MAST1: variants seen among roughly 807,000 people sequenced by gnomAD.
MAST1 encodes microtubule associated serine/threonine kinase 1.
A neutral mutation model predicts 124.6 loss-of-function variants in MAST1; 40 were observed. That is an observed-to-expected ratio of 0.32 (90% CI 0.25 to 0.42). MAST1 has a LOEUF of 0.42. Ranked by LOEUF, MAST1 falls within the 10% of genes least tolerant of loss-of-function variation. The probability of loss-of-function intolerance (pLI) is 1.00; values close to 1 mark genes in which losing one functional copy is unlikely to be tolerated. For missense variants in MAST1, 1,558 were observed against 2,181.9 expected (o/e 0.71, Z 5.70); for synonymous variants, 938 against 939.4 (o/e 1.00, Z 0.03).
chr19:12,868,241 T>C lies in MAST1; in HGVS notation c.2566+264T>C, dbSNP rs1315536897. ...CTCGCACCTCAGCCTCCCGAGTAGC[T>C]GGGATTACAGGCGCGCGCCACTACC... On this transcript the variant is annotated intron_variant, in intron 20 of 25. Coordinates refer to ENST00000251472, the MANE Select transcript of MAST1 (RefSeq NM_014975.3). Among the ~76,000 whole-genome samples the C allele has an allele frequency of 3.3e-5, 5 of 151,116 alleles. No individual in the cohort carries two copies. In the South Asian group the frequency reaches 1.0e-3, roughly 32 times the overall value.
intron 22 of MAST1, 124 bp from the exon 23 acceptor site, chr19:12,870,700 C>A: frequency 3.3e-5 from 29 of 882,674 alleles, no homozygotes; most frequent in African/African-American, 6.8e-5. Context: ...GGAATAATAA[C>A]TATTTCACAA....
chr19:12,855,181 C>G (rs981437980), intron 10 of MAST1, among the ~76,000 whole-genome samples: 12 of 152,172 alleles, frequency 7.9e-5, no homozygotes, highest in Admixed American at 7.9e-4. Flanking sequence ...TTGCAGTGAG[C>G]CGATATCAAA....
chr19:12,865,999 G>A lies in MAST1; in HGVS notation c.1926G>A (p.Lys642=). The change falls in exon 17 of 26, where the codon AAG becomes AAA. Residue 642 remains lysine (K), a synonymous_variant. Coordinates refer to ENST00000251472, the MANE Select transcript of MAST1 (RefSeq NM_014975.3). The surrounding 1 kb of genome is among the most constrained non-coding windows in gnomAD (Gnocchi z 7.1). ...TCCCAGGCGGCGCTTTTGAGGTGAAGCAGCACAGTTTCTTTCGAGACCTGG... is the reference window on the plus strand; with the variant it reads ...TCCCAGGCGGCGCTTTTGAGGTGAAACAGCACAGTTTCTTTCGAGACCTGG... ...RLGAGGAFEV[K]QHSFFRDLDW... The A allele has an allele frequency of 6.2e-7, 1 of 1,614,122 alleles. No homozygotes were observed. Among genetic ancestry groups the A allele is most frequent in the Non-Finnish European group, 8.5e-7 (1 of 1,180,024 alleles).
chr19:12,873,961 G>A lies in MAST1; in HGVS notation c.3804G>A (p.Glu1268=). The A allele has an allele frequency of 6.3e-7, 1 of 1,598,246 alleles. No homozygotes were observed. Among genetic ancestry groups the A allele is most frequent in the Non-Finnish European group, 8.5e-7 (1 of 1,178,100 alleles). Residue 1268 remains glutamate, a synonymous_variant, in exon 26 of 26, where the codon GAG becomes GAA. Coordinates refer to ENST00000251472, the MANE Select transcript of MAST1 (RefSeq NM_014975.3). ...TCCTCAAGCGCGTGCAGTCGGCCGA[G>A]AAGCTGGGAGCCTCTTTGAGTGCGG... The part of the protein sequence containing the change: ...SPLLKRVQSA[E]KLGASLSADK...
Position 12,868,808 on chromosome 19 carries a change from A to G in MAST1, c.2732A>G (p.Lys911Arg), listed in dbSNP as rs1405047473. The G allele has an allele frequency of 1.2e-6, 2 of 1,602,732 alleles. No individual in the cohort carries two copies. Among genetic ancestry groups the G allele is most frequent in the African/African-American group, 2.7e-5 (2 of 74,908 alleles). ...TCTCGAACTGGGGGCAAAGTCATCA[A>G]ATCAGCCTCAGCCACTGCCTTATCT... ...RPSRTGGKVI[K>R]SASATALSVM... The change falls in exon 21 of 26, where the codon AAA becomes AGA. Residue 911 changes from lysine (K) to arginine (R), a missense_variant. Physicochemically the swap from Lys to Arg is conservative, Grantham distance 26 (BLOSUM62 2). This residue lies in a region of MAST1 where 291 missense variants were observed against 475.8 expected (regional missense o/e 0.61). Transcript: ENST00000251472.
chr19:12,856,050 C>A (rs868653160), intron 10 of MAST1, among the ~76,000 whole-genome samples: 1 of 151,210 alleles, frequency 6.6e-6, no homozygotes, highest in Non-Finnish European at 1.5e-5. Flanking sequence ...GCATAAGATA[C>A]CTCTTACACT....
At chr19:12,871,913 CAAA>C (rs34674708) in intron 24 of MAST1, among the ~76,000 whole-genome samples, 2 of 61,030 alleles carry the variant, frequency 3.3e-5, no homozygotes, top group African/African-American at 6.4e-5. Flanking sequence ...TAGACTCTTT[CAAA>C]AAAAAAAAAA....
chr19:12,858,553 C>T lies in MAST1; in HGVS notation c.1180C>T (p.Arg394Cys), dbSNP rs756908190. Reference protein sequence around the residue: ...AYGAVYLVRHRDTRQRFAMKK... With the variant: ...AYGAVYLVRHCDTRQRFAMKK... ...CAGCGCTGTCTACCTGGTGCGGCAC[C>T]GCGACACGCGGCAGCGCTTTGCCAT... is the stretch of plus-strand genomic sequence containing the variant. The change falls in exon 12 of 26, where the codon CGC (arginine) becomes TGC (cysteine). Residue 394 changes from arginine to cysteine, a missense_variant. Coordinates refer to ENST00000251472, the MANE Select transcript of MAST1 (RefSeq NM_014975.3). 9.3e-6 allele frequency: 15 copies of T among 1,614,104 alleles called. No homozygotes were observed. Among genetic ancestry groups the T allele is most frequent in the Non-Finnish European group, 1.3e-5 (15 of 1,180,054 alleles).
Position 12,848,069 on chromosome 19 carries a change from C to T in MAST1, c.774+12C>T, listed in dbSNP as rs1396238490. 12 of 1,610,800 alleles carry T rather than the reference C, an allele frequency of 7.4e-6. No individual in the cohort carries two copies. Among genetic ancestry groups the T allele is most frequent in the Non-Finnish European group, 1.0e-5 (12 of 1,178,358 alleles). The stretch of plus-strand genomic sequence containing the variant: ...AGCTCCTTCAAGACGTGAGTGCACG[C>T]GGAGGCCGGGCTGATCTCAGGCTCA... On this transcript the variant is annotated intron_variant, in intron 7 of 25. Transcript: ENST00000251472.
chr19:12,860,896 C>G (rs1033386760), intron 12 of MAST1, among the ~76,000 whole-genome samples: 1 of 152,102 alleles, frequency 6.6e-6, no homozygotes, highest in Admixed American at 6.6e-5. Flanking sequence ...GTCAACCATC[C>G]AGTCACTCAA....
chr19:12,860,996 A>G (rs962340984), intron 12 of MAST1, among the ~76,000 whole-genome samples: 2 of 152,018 alleles, frequency 1.3e-5, no homozygotes. Flanking sequence ...TCTCCCCGCC[A>G]TGGAGATTCC....
chr19:12,840,573 C>T (rs1295408549), intron 2 of MAST1, 39 bp downstream of exon 2: 6 of 1,465,692 alleles, frequency 4.1e-6, no homozygotes. Context: ...TGCAGACTGG[C>T]CTACAGTAGG....
At position 12,865,780 on chromosome 19, in the gene MAST1, G is replaced by A. The variant is rs1252030150; in HGVS notation, c.1868G>A (p.Ser623Asn). 1.2e-6 allele frequency: 2 copies of A among 1,613,776 alleles called. No homozygotes were observed. The highest frequency in any genetic ancestry group is 2.7e-5 in the African/African-American group (2 of 74,926). The change falls in exon 16 of 26, where the codon AGC becomes AAC. Residue 623 changes from serine to asparagine, a missense_variant. Transcript: ENST00000251472. This position sits in a 1 kb window ranked among gnomAD's most constrained non-coding sequence, Gnocchi z 7.1. ...ACGGAGGCCCAACTCCTCATATCCA[G>A]CCTCCTGCAGACCAACCCTCTGGTC... is the stretch of plus-strand genomic sequence containing the variant. Reference protein sequence around the residue: ...LPTEAQLLISSLLQTNPLVRL... With the variant: ...LPTEAQLLISNLLQTNPLVRL...
At chr19:12,840,425 C>A (rs772381094) in intron 1 of MAST1, 21 bp from the exon 2 acceptor site, 21 of 1,578,530 alleles carry the variant, frequency 1.3e-5, no homozygotes, top group Non-Finnish European at 1.7e-5. Context: ...GCCCGGCCCC[C>A]CTGCCTTACC....
chr19:12,841,034 C>A lies in MAST1; in HGVS notation c.216C>A (p.Thr72=). The change falls in exon 3 of 26, where the codon ACC becomes ACA. Residue 72 remains threonine, a synonymous_variant. Coordinates refer to ENST00000251472, the MANE Select transcript of MAST1 (RefSeq NM_014975.3). The surrounding 1 kb of genome is among the most constrained non-coding windows in gnomAD (Gnocchi z 4.3). ...LDSPRNFSPN[T]PAHFSFASSR... ...GCCCCCGAAACTTCTCCCCCAACAC[C>A]CCCGCCCACTTCTCGTTTGCCTCCT... The A allele has an allele frequency of 2.6e-6, 4 of 1,545,768 alleles. No individual in the cohort carries two copies. Among genetic ancestry groups the A allele is most frequent in the South Asian group, 1.1e-5 (1 of 89,794 alleles).
At position 12,847,781 on chromosome 19, in the gene MAST1, A is replaced by G; in HGVS notation, c.565-67A>G. The G allele has an allele frequency of 6.3e-7, 1 of 1,580,888 alleles. No individual in the cohort carries two copies. The highest frequency in any genetic ancestry group is 1.1e-5 in the South Asian group (1 of 89,326). On this transcript the variant is annotated intron_variant, in intron 6 of 25. Transcript: ENST00000251472. The surrounding 1 kb of genome is among the most constrained non-coding windows in gnomAD (Gnocchi z 5.5). ...GCGCCCCCTGGCGGCCTCGGTGCGCAGCGCAGGCTCCTGGCGGCCGCAGCC... is the reference window on the plus strand; with the variant it reads ...GCGCCCCCTGGCGGCCTCGGTGCGCGGCGCAGGCTCCTGGCGGCCGCAGCC...
In MAST1 at chr19:12,868,736, C is replaced by T. The variant is rs1336723144; in HGVS notation, c.2660C>T (p.Ala887Val). Residue 887 changes from alanine to valine, a missense_variant, in exon 21 of 26, where the codon GCG becomes GTG. By Grantham distance (64) the Ala-to-Val change is moderately conservative. Transcript: ENST00000251472. ...ACCAATGACTTGGTTCTGCGCCGGG[C>T]GCGGCACCAGCAGATGTCAGGGGAT... The part of the protein sequence containing the change: ...RATNDLVLRR[A>V]RHQQMSGDVA... The T allele has an allele frequency of 1.4e-5, 22 of 1,612,994 alleles. No individual in the cohort carries two copies. The highest frequency in any genetic ancestry group is 1.7e-5 in the Non-Finnish European group (20 of 1,179,424).
Position 12,838,651 on chromosome 19 carries a change from A to G in MAST1, c.79A>G (p.Lys27Glu), listed in dbSNP as rs1351147882. 6.2e-7 allele frequency: 1 copy of G among 1,608,056 alleles called. No homozygotes were observed. Among genetic ancestry groups the G allele is most frequent in the African/African-American group, 1.4e-5 (1 of 74,020 alleles). Reference protein sequence around the residue: ...FPGGSMFRRTKSCRTSNRKSL... With the variant: ...FPGGSMFRRTESCRTSNRKSL... ...CGGCGGCAGTATGTTCCGCCGCACC[A>G]AGAGGTAGACCCCCGATCCCCTAGA... is the stretch of plus-strand genomic sequence containing the variant. The change falls in exon 1 of 26, where the codon AAG becomes GAG. Residue 27 changes from lysine to glutamate, a missense_variant. By Grantham distance (56) the Lys-to-Glu change is moderately conservative. Transcript: ENST00000251472. The surrounding 1 kb of genome is among the most constrained non-coding windows in gnomAD (Gnocchi z 4.3).
chr19:12,840,428 G>T lies in MAST1; in HGVS notation c.84-18G>T. 1 of 1,590,004 alleles carries T rather than the reference G, an allele frequency of 6.3e-7. No individual in the cohort carries two copies. The highest frequency in any genetic ancestry group is 8.6e-7 in the Non-Finnish European group (1 of 1,159,936). ...GGCTGCGGCCCGGCCCGGCCCCCCTGCCTTACCTTCCCCGCAGCTGCCGCA... is the reference window on the plus strand; with the variant it reads ...GGCTGCGGCCCGGCCCGGCCCCCCTTCCTTACCTTCCCCGCAGCTGCCGCA... On this transcript the variant is annotated intron_variant, in intron 1 of 25. Coordinates refer to ENST00000251472, the MANE Select transcript of MAST1 (RefSeq NM_014975.3).
Sources: gnomAD v4.1 joint callset for allele counts (sites outside exome capture counted in the v4.1 genomes callset) on GRCh38, gnomAD v4.1.1 for gene constraint, gnomAD v4.1.1 regional missense constraint, Gnocchi (gnomAD v3.1) non-coding constraint, MANE v1.5 for transcripts, NCBI Gene and HGNC (gene_info 2026-07-23, HGNC 2026-07-21) for gene names.